The following CELF4 variants were observed in gnomAD, a reference collection of about 807,000 sequenced individuals.
The protein encoded by CELF4 is CUG-BP- and ETR-3-like factor 4.
CELF4 carries 18 observed loss-of-function variants against 59.9 expected under a neutral mutation model. That is an observed-to-expected ratio of 0.30 (90% CI 0.21 to 0.45). The LOEUF is 0.45. Ranked by LOEUF, CELF4 falls within the 20% of genes least tolerant of loss-of-function variation. The probability of loss-of-function intolerance (pLI) is 1.00; values close to 1 mark genes in which losing one functional copy is unlikely to be tolerated. For synonymous variants in CELF4, 261 were observed against 267.1 expected, an observed-to-expected ratio of 0.98 and a Z score of 0.22; for missense variants, 456 against 689.0, an observed-to-expected ratio of 0.66 and a Z score of 3.79.
intron 1 of CELF4, among the ~76,000 whole-genome samples, chr18:37,522,922 C>T (rs191232836): frequency 2.1e-4 from 32 of 152,298 alleles, no homozygotes; most frequent in East Asian, 1.9e-4. Flanking sequence ...TCCCCTGACT[C>T]GGAGTGCTTC....
chr18:37,509,844 T>C (rs114883866), intron 1 of CELF4, among the ~76,000 whole-genome samples: 2,431 of 152,360 alleles, frequency 0.016, 69 homozygotes, highest in African/African-American at 0.055. Flanking sequence ...AGGAAGATAA[T>C]TCTGACATAC....
chr18:37,259,256 C>A lies in CELF4; in HGVS notation c.1258G>T (p.Gly420Cys). The A allele has an allele frequency of 1.5e-6, 2 of 1,338,008 alleles. No individual in the cohort carries two copies. Among genetic ancestry groups the A allele is most frequent in the Non-Finnish European group, 2.0e-6 (2 of 1,000,974 alleles). The allele number at this position is 1,338,008 out of a possible 1,614,324, so 82.9% of individuals were successfully genotyped here. A position where few individuals can be genotyped will look rare whatever the true frequency, so the allele number is the denominator to read the frequency against. The change falls in exon 11 of 13, where the codon GGC becomes TGC. Residue 420 changes from glycine to cysteine, a missense_variant. Transcript: ENST00000420428. ...IPQQQREGPE[G>C]CNLFIYHLPQ... ...AGATGGTAGATGAACAGGTTACAGCCCTCGGGCCCTGCGGTGAGGGGAGGG... is the reference window on the plus strand; with the variant it reads ...AGATGGTAGATGAACAGGTTACAGCACTCGGGCCCTGCGGTGAGGGGAGGG...
At chr18:37,347,546 G>T (rs545834111) in intron 2 of CELF4, among the ~76,000 whole-genome samples, 1 of 152,098 alleles carries the variant, frequency 6.6e-6, no homozygotes, top group Admixed American at 6.5e-5. Context: ...GGGGCAGGTC[G>T]TCACCTGCAT....
chr18:37,384,525 C>T (rs754238857), intron 2 of CELF4, among the ~76,000 whole-genome samples: 1 of 152,088 alleles, frequency 6.6e-6, no homozygotes, highest in African/African-American at 2.4e-5. Context: ...AGCACCGAGA[C>T]TCAGCAGGTT....
At chr18:37,359,964 T>C (rs2098675469) in intron 2 of CELF4, among the ~76,000 whole-genome samples, 1 of 151,406 alleles carries the variant, frequency 6.6e-6, no homozygotes, top group African/African-American at 2.4e-5. Flanking sequence ...ATTCCCCTGC[T>C]TCAGCCTCCC....
At chr18:37,529,021 C>T (rs1193782042) in intron 1 of CELF4, 3 of 152,060 alleles carry the variant, frequency 2.0e-5, no homozygotes, top group Non-Finnish European at 2.9e-5. Flanking sequence ...GCTACTTTCC[C>T]AGAGGATGGA....
At chr18:37,470,887 T>TGTGTGAGAGAGAGAGAGAGAGAGAGAGA in intron 2 of CELF4, among the ~76,000 whole-genome samples, 1 of 71,928 alleles carries the variant, frequency 1.4e-5, no homozygotes, top group Non-Finnish European at 2.7e-5. Flanking sequence ...TGTGTGTGTG[T>TGTGTGAGAGAGAGAGAGAGAGAGAGAGA]GACAGAGAGA....
At chr18:37,266,442 C>T (rs2077572003) in intron 9 of CELF4, 91 bp downstream of exon 9, 1 of 1,252,780 alleles carries the variant, frequency 8.0e-7, no homozygotes, top group Non-Finnish European at 1.1e-6. Context: ...CCATGCAGTG[C>T]TGGCCCCAGG....
At chr18:37,523,218 C>T (rs1388178219) in intron 1 of CELF4, among the ~76,000 whole-genome samples, 1 of 152,148 alleles carries the variant, frequency 6.6e-6, no homozygotes, top group Non-Finnish European at 1.5e-5. Flanking sequence ...CACATGGATC[C>T]AGAAGTCTTC....
intron 1 of CELF4, among the ~76,000 whole-genome samples, chr18:37,503,940 C>T (rs1270237189): frequency 1.3e-5 from 2 of 152,202 alleles, no homozygotes; most frequent in Non-Finnish European, 2.9e-5. Flanking sequence ...TTGTCCTCTC[C>T]AGTAAGAAGC....
In CELF4 at chr18:37,289,518, C is replaced by T. The variant is rs115827804; in HGVS notation, c.449-14275G>A. ...AGTGAAGGAAGCAGGTGAAGGCCCC[C>T]GCTTGCTAGCTAGTACGCCCCAGCT... is the stretch of plus-strand genomic sequence containing the variant. On this transcript the variant is annotated intron_variant, in intron 3 of 12. Coordinates refer to ENST00000420428, the MANE Select transcript of CELF4 (RefSeq NM_020180.4). 2.6e-3 allele frequency among the ~76,000 whole-genome samples: 391 copies of T among 152,202 alleles called. 3 individuals are homozygous for T. Among genetic ancestry groups the T allele is most frequent in the African/African-American group, 8.8e-3 (367 of 41,540 alleles).
At chr18:37,278,697 C>T (rs371011496) in intron 3 of CELF4, among the ~76,000 whole-genome samples, 51 of 152,300 alleles carry the variant, frequency 3.3e-4, no homozygotes, top group Middle Eastern at 3.4e-3. Flanking sequence ...CTTCATTCGC[C>T]CTGCCTTGGT....
intron 2 of CELF4, among the ~76,000 whole-genome samples, chr18:37,446,796 A>G (rs1425997481): frequency 1.3e-5 from 2 of 151,940 alleles, no homozygotes; most frequent in East Asian, 3.9e-4. Context: ...GTCAGGAGCC[A>G]CTCACGAGAA....
At chr18:37,273,731 C>A in intron 6 of CELF4, 2 of 987,616 alleles carry the variant, frequency 2.0e-6, no homozygotes, top group East Asian at 1.1e-4. Flanking sequence ...AGAACCGTGG[C>A]CTGCCTCAGT....
chr18:37,520,311 T>C (rs368451015), intron 1 of CELF4, among the ~76,000 whole-genome samples: 3 of 152,288 alleles, frequency 2.0e-5, no homozygotes, highest in East Asian at 1.9e-4. Context: ...GAGTGCTGTG[T>C]GCACTTGGCA....
At chr18:37,481,866 C>A (rs2099868229) in intron 2 of CELF4, among the ~76,000 whole-genome samples, 1 of 152,238 alleles carries the variant, frequency 6.6e-6, no homozygotes. Flanking sequence ...CTGGTCCTGG[C>A]TCGGCCACTT....
intron 2 of CELF4, among the ~76,000 whole-genome samples, chr18:37,372,535 G>A (rs1487330584): frequency 6.6e-6 from 1 of 152,178 alleles, no homozygotes; most frequent in East Asian, 1.9e-4. Context: ...TAATGTAAAC[G>A]ACAAGTTAAT....
intron 3 of CELF4, among the ~76,000 whole-genome samples, chr18:37,278,732 G>T (rs527588184): frequency 1.3e-5 from 2 of 152,204 alleles, no homozygotes; most frequent in Admixed American, 6.5e-5. Flanking sequence ...CACCCCTGCT[G>T]TGAGAGGGCA....
At chr18:37,409,310 T>C (rs1456669251) in intron 2 of CELF4, among the ~76,000 whole-genome samples, 1 of 152,152 alleles carries the variant, frequency 6.6e-6, no homozygotes, top group Non-Finnish European at 1.5e-5. Context: ...CCCCTCAGGA[T>C]GTGATGCACT....
Sources: gnomAD v4.1 joint callset for allele counts (sites outside exome capture counted in the v4.1 genomes callset) on GRCh38, gnomAD v4.1.1 for gene constraint, MANE v1.5 for transcripts, NCBI Gene and HGNC (gene_info 2026-07-23, HGNC 2026-07-21) for gene names.